The following LYPLAL1 variants were observed in gnomAD, a reference collection of about 807,000 sequenced individuals.
LYPLAL1 encodes lysophospholipase-like protein 1.
LYPLAL1 carries 23 observed loss-of-function variants against 19.7 expected under a neutral mutation model. The observed-to-expected ratio is 1.17, with a 90% CI of 0.84 to 1.65. The LOEUF is 1.65. Ranked by LOEUF, LYPLAL1 falls within the 40% of genes most tolerant of loss-of-function variation. The pLI, the probability that LYPLAL1 is intolerant of heterozygous loss-of-function variation, is 0.00. For missense variants in LYPLAL1, 355 were observed against 279.4 expected, an observed-to-expected ratio of 1.27 and a Z score of -1.93; for synonymous variants, 119 against 96.3, an observed-to-expected ratio of 1.24 and a Z score of -1.38.
the LYPLAL1 span, among the ~76,000 whole-genome samples, chr1:219,389,157 C>A: frequency 1.3e-5 from 2 of 152,108 alleles, no homozygotes; most frequent in Non-Finnish European, 2.9e-5. Context: ...CTGGCTCTAT[C>A]TTTGTTAATA....
At chr1:219,345,740 C>A in the LYPLAL1 span, among the ~76,000 whole-genome samples, 1 of 152,028 alleles carries the variant, frequency 6.6e-6, no homozygotes, top group Non-Finnish European at 1.5e-5. Context: ...AAGGTCACTG[C>A]TGTTCAGAAG....
intron 2 of LYPLAL1, among the ~76,000 whole-genome samples, chr1:219,191,262 A>G (rs2049422): frequency 0.97 from 146,581 of 151,536 alleles, 71,086 homozygotes; most frequent in South Asian, 1. Context: ...ACTCTTTTCC[A>G]TAGGAATAAA....
the LYPLAL1 span, among the ~76,000 whole-genome samples, chr1:219,338,020 A>G: frequency 6.6e-6 from 1 of 151,912 alleles, no homozygotes; most frequent in East Asian, 1.9e-4. Context: ...GTTTGTGTTT[A>G]TTATTATTTT....
At chr1:219,349,691 AC>A in the LYPLAL1 span, among the ~76,000 whole-genome samples, 1 of 152,170 alleles carries the variant, frequency 6.6e-6, no homozygotes, top group East Asian at 1.9e-4. Context: ...CAGCATGAAA[AC>A]AAAGTGGAGA....
chr1:219,195,778 C>T (rs1408278398), intron 3 of LYPLAL1, among the ~76,000 whole-genome samples: 1 of 151,986 alleles, frequency 6.6e-6, no homozygotes, highest in Admixed American at 6.6e-5. Flanking sequence ...TTTGCTATAC[C>T]TATTAACCTA....
chr1:219,221,793 C>T, the LYPLAL1 span, among the ~76,000 whole-genome samples: 2 of 152,280 alleles, frequency 1.3e-5, no homozygotes, highest in African/African-American at 4.8e-5. Context: ...TGGCTGTTTC[C>T]AATCAGTAAA....
chr1:219,333,415 A>G, the LYPLAL1 span, among the ~76,000 whole-genome samples: 1 of 151,978 alleles, frequency 6.6e-6, no homozygotes, highest in Non-Finnish European at 1.5e-5. Flanking sequence ...TTGTACAGTC[A>G]TACATGGCAG....
chr1:219,356,396 A>T, the LYPLAL1 span, among the ~76,000 whole-genome samples: 9 of 152,264 alleles, frequency 5.9e-5, no homozygotes, highest in African/African-American at 2.2e-4. Flanking sequence ...GCTACTTGGG[A>T]GGCTGAGGCA....
At chr1:219,434,601 T>G in the LYPLAL1 span, among the ~76,000 whole-genome samples, 1 of 152,216 alleles carries the variant, frequency 6.6e-6, no homozygotes, top group Non-Finnish European at 1.5e-5. Context: ...CCAAGACTTA[T>G]GCCTCTCTAC....
the LYPLAL1 span, among the ~76,000 whole-genome samples, chr1:219,445,126 T>C: frequency 6.6e-6 from 1 of 152,224 alleles, no homozygotes; most frequent in African/African-American, 2.4e-5. Flanking sequence ...ACTTTATCTC[T>C]GACTCATGTT....
chr1:219,223,653 T>C, the LYPLAL1 span, among the ~76,000 whole-genome samples: 1 of 152,164 alleles, frequency 6.6e-6, no homozygotes, highest in Non-Finnish European at 1.5e-5. Flanking sequence ...GATGTTTTGT[T>C]CTGAAGAAAT....
the LYPLAL1 span, among the ~76,000 whole-genome samples, chr1:219,269,812 A>C: frequency 2.2e-4 from 34 of 152,324 alleles, no homozygotes; most frequent in African/African-American, 7.2e-4. Context: ...AGAAGTAGAA[A>C]ATCTCTGATA....
At chr1:219,296,294 G>T in the LYPLAL1 span, among the ~76,000 whole-genome samples, 1 of 152,164 alleles carries the variant, frequency 6.6e-6, no homozygotes, top group African/African-American at 2.4e-5. Context: ...GGATATGTAG[G>T]TTTCTGGGTT....
the LYPLAL1 span, among the ~76,000 whole-genome samples, chr1:219,328,304 T>G: frequency 6.6e-6 from 1 of 152,314 alleles, no homozygotes; most frequent in Non-Finnish European, 1.5e-5. Context: ...TAGGAAAAAT[T>G]TCCTAAGCTG....
the LYPLAL1 span, among the ~76,000 whole-genome samples, chr1:219,305,015 G>A: frequency 1.8e-4 from 27 of 152,312 alleles, no homozygotes; most frequent in Admixed American, 7.2e-4. Context: ...ACAGGAGGAC[G>A]TCAGCCAAAG....
At chr1:219,309,917 GGTAA>G in the LYPLAL1 span, among the ~76,000 whole-genome samples, 1 of 152,146 alleles carries the variant, frequency 6.6e-6, no homozygotes, top group African/African-American at 2.4e-5. Flanking sequence ...AAACCAAAAT[GGTAA>G]GTGAGTTGGA....
chr1:219,203,389 T>C (rs1658280860), intron 3 of LYPLAL1, among the ~76,000 whole-genome samples: 1 of 152,172 alleles, frequency 6.6e-6, no homozygotes, highest in South Asian at 2.1e-4. Flanking sequence ...TAAATTTTAT[T>C]TTCAAATTGT....
intron 2 of LYPLAL1, among the ~76,000 whole-genome samples, chr1:219,185,692 A>G (rs1197275954): frequency 6.6e-6 from 1 of 151,924 alleles, no homozygotes; most frequent in Non-Finnish European, 1.5e-5. Context: ...TGTGATTGCC[A>G]GGAACTGGAA....
chr1:219,416,663 G>A, the LYPLAL1 span, among the ~76,000 whole-genome samples: 1 of 152,194 alleles, frequency 6.6e-6, no homozygotes, highest in African/African-American at 2.4e-5. Flanking sequence ...ACTTTGTAGG[G>A]AAGGGGCCAT....
Sources: gnomAD v4.1 joint callset for allele counts (sites outside exome capture counted in the v4.1 genomes callset) on GRCh38, gnomAD v4.1.1 for gene constraint, MANE v1.5 for transcripts, NCBI Gene and HGNC (gene_info 2026-07-23, HGNC 2026-07-21) for gene names.